Variants in COL6A5 observed in about 807,000 individuals in gnomAD.
COL6A5 encodes collagen type VI alpha 5 chain, also known as collagen alpha-5(VI) chain.
Under a neutral mutation model 65.6 loss-of-function variants are expected in COL6A5, and 48 were observed. The ratio of observed to expected loss-of-function variants is 0.73; its 90% CI spans 0.58 to 0.93. The LOEUF (loss-of-function observed/expected upper bound fraction) is 0.93. Among genes scored for constraint, COL6A5 ranks in the 40% least tolerant of loss-of-function variants. The pLI is 0.00. For synonymous variants in COL6A5, 291 were observed against 322.8 expected (o/e 0.90, Z 1.05); for missense variants, 914 against 928.3 (o/e 0.98, Z 0.20).
At chr3:130,480,368 A>AAT (rs1710205448) in intron 7 of COL6A5, among the ~76,000 whole-genome samples, 1 of 152,000 alleles carries the variant, frequency 6.6e-6, no homozygotes. Context: ...CATACACTTA[A>AAT]ATATATATAT....
In COL6A5 at chr3:130,444,029, G is replaced by A. The variant is rs73871007; in HGVS notation, c.1332+463G>A. Among the ~76,000 whole-genome samples the A allele has an allele frequency of 9.6e-3, 1,457 of 152,164 alleles. 27 individuals are homozygous for A. Among genetic ancestry groups the A allele is most frequent in the African/African-American group, 0.033 (1,364 of 41,524 alleles). ...ATTTTAGAGGCCCACCCTCAGGGGC[G>A]CATTCTCTTTCTCAGGGATGTTCCT... On this transcript the variant is annotated intron_variant, in intron 4 of 7. Transcript: ENST00000512836.
At chr3:130,388,676 A>C (rs767088919) in exon 6 of COL6A5, 1 of 1,551,134 alleles carries the variant, frequency 6.4e-7, no homozygotes, top group South Asian at 1.2e-5. Context: ...TTCATGAAAA[A>C]CCTGTTAACT....
chr3:130,383,496 C>T (rs1936077202), intron 4 of COL6A5, among the ~76,000 whole-genome samples: 1 of 152,040 alleles, frequency 6.6e-6, no homozygotes, highest in Non-Finnish European at 1.5e-5. Flanking sequence ...ATTCCGGTTA[C>T]TTTCAAGTTT....
intron 5 of COL6A5, among the ~76,000 whole-genome samples, chr3:130,458,624 A>C (rs1709630733): frequency 6.6e-6 from 1 of 152,274 alleles, no homozygotes; most frequent in Non-Finnish European, 1.5e-5. Flanking sequence ...TGTGCTCTCA[A>C]TGGAGCTGAA....
exon 25 of COL6A5, chr3:130,418,872 G>A: frequency 1.3e-6 from 2 of 1,550,746 alleles, no homozygotes; most frequent in Non-Finnish European, 8.7e-7. Context: ...TTACTAGGGA[G>A]AGCCTGGACT....
chr3:130,475,828 A>G (rs1378308315), intron 7 of COL6A5, among the ~76,000 whole-genome samples: 2 of 152,128 alleles, frequency 1.3e-5, no homozygotes, highest in Non-Finnish European at 2.9e-5. Context: ...AGGTAATTTC[A>G]TACCCATTAT....
chr3:130,394,790 A>C (rs992898701), intron 7 of COL6A5, 100 bp from the exon 8 acceptor site: 2 of 799,970 alleles, frequency 2.5e-6, no homozygotes, highest in Middle Eastern at 3.6e-4. Context: ...TGCTAATGTA[A>C]ATCAATTGAA....
chr3:130,408,645 C>T (rs556723622), intron 17 of COL6A5, among the ~76,000 whole-genome samples: 1 of 152,256 alleles, frequency 6.6e-6, no homozygotes, highest in African/African-American at 2.4e-5. Context: ...TTTGAAACCC[C>T]TAATAAAAAC....
intron 7 of COL6A5, among the ~76,000 whole-genome samples, chr3:130,394,283 A>G (rs948676213): frequency 3.3e-5 from 5 of 152,156 alleles, no homozygotes; most frequent in African/African-American, 1.2e-4. Flanking sequence ...AGTAAAAAGG[A>G]TCTAGAGGTC....
At chr3:130,417,925 A>C (rs1206732872) in intron 24 of COL6A5, among the ~76,000 whole-genome samples, 1 of 152,116 alleles carries the variant, frequency 6.6e-6, no homozygotes, top group Non-Finnish European at 1.5e-5. Context: ...TCAAACTTTA[A>C]GGTAGTTACA....
At chr3:130,421,328 C>G in exon 27 of COL6A5, 1 of 1,550,496 alleles carries the variant, frequency 6.4e-7, no homozygotes, top group African/African-American at 1.4e-5. Context: ...ATTATAGGGC[C>G]CAAGAGGATT....
intron 1 of COL6A5, among the ~76,000 whole-genome samples, chr3:130,432,797 G>C (rs76372166): frequency 0.025 from 3,778 of 152,066 alleles, 148 homozygotes; most frequent in African/African-American, 0.088. Context: ...CCCCTATGGT[G>C]GTGCAAAACA....
intron 4 of COL6A5, among the ~76,000 whole-genome samples, chr3:130,448,293 A>T (rs1709351429): frequency 6.6e-6 from 1 of 152,148 alleles, no homozygotes; most frequent in Non-Finnish European, 1.5e-5. Flanking sequence ...GGTGGTCTGG[A>T]TTCTTTCCTC....
chr3:130,407,169 A>C (rs1419925681), intron 17 of COL6A5, among the ~76,000 whole-genome samples: 1 of 152,182 alleles, frequency 6.6e-6, no homozygotes, highest in African/African-American at 2.4e-5. Context: ...GAGGAAGGGC[A>C]TTCCAGACAG....
chr3:130,462,980 A>G (rs1262892900), intron 5 of COL6A5, among the ~76,000 whole-genome samples: 11 of 152,090 alleles, frequency 7.2e-5, no homozygotes, highest in Non-Finnish European at 8.8e-5. Context: ...TTTCTTAGCC[A>G]ACTCATTCAC....
chr3:130,465,243 G>T (rs141911455), intron 5 of COL6A5, among the ~76,000 whole-genome samples: 37 of 152,154 alleles, frequency 2.4e-4, no homozygotes, highest in African/African-American at 8.4e-4. Context: ...AAGGCAGTGA[G>T]AGCTGACAGG....
Position 130,406,029 on chromosome 3 carries a change from T to C in COL6A5, c.4380+10T>C, listed in dbSNP as rs1936977912. The C allele has an allele frequency of 6.4e-7, 1 of 1,550,942 alleles. No individual in the cohort carries two copies. Among genetic ancestry groups the C allele is most frequent in the South Asian group, 1.2e-5 (1 of 84,022 alleles). On this transcript the variant is annotated intron_variant and NMD_transcript_variant, in intron 15 of 41. Transcript: ENST00000312481. ...ATTTTCTGGACCTAAGGTACTGGAGTTTTTTCTTAGTTTAATTTGATTTCC... is the reference window on the plus strand; with the variant it reads ...ATTTTCTGGACCTAAGGTACTGGAGCTTTTTCTTAGTTTAATTTGATTTCC...
In COL6A5 at chr3:130,431,902, C is replaced by T. The variant is rs773338414; in HGVS notation, c.442C>T (p.Pro148Ser). ...GGAGTTTAGTGCCCTGGATATCAGT[C>T]CAACAGTCTTTGCTTTTGATGAGAG... is the stretch of plus-strand genomic sequence containing the variant. The change falls in exon 1 of 8, where the codon CCA (proline) becomes TCA (serine). Residue 148 changes from proline to serine, a missense_variant. Coordinates refer to ENST00000512836, the Ensembl canonical transcript of COL6A5. 3.1e-5 allele frequency: 48 copies of T among 1,551,380 alleles called. 1 individual carries two copies. The South Asian group carries it at 5.6e-4, about 18-fold the overall frequency.
intron 4 of COL6A5, among the ~76,000 whole-genome samples, chr3:130,455,200 G>C (rs371713207): frequency 6.6e-6 from 1 of 151,614 alleles, no homozygotes; most frequent in Non-Finnish European, 1.5e-5. Flanking sequence ...ATCAAACTTG[G>C]TTATTCCAAA....
Sources: allele counts gnomAD v4.1 joint callset (sites outside exome capture counted in the v4.1 genomes callset), GRCh38; gene constraint gnomAD v4.1.1; transcripts MANE v1.5; gene names NCBI Gene and HGNC (gene_info 2026-07-23, HGNC 2026-07-21).